Variants in PLA2G7 observed in about 807,000 individuals in gnomAD.
The protein encoded by PLA2G7 is phospholipase A2 group VII, also known as platelet-activating factor acetylhydrolase.
A neutral mutation model predicts 49.6 loss-of-function variants in PLA2G7; 63 were observed. The ratio of observed to expected loss-of-function variants is 1.27; its 90% CI spans 1.04 to 1.57. PLA2G7 has a LOEUF of 1.57. Ranked by LOEUF, PLA2G7 falls within the 40% of genes most tolerant of loss-of-function variation. The pLI, the probability that PLA2G7 is intolerant of heterozygous loss-of-function variation, is 0.00. For synonymous variants in PLA2G7, 193 were observed against 169.9 expected, an observed-to-expected ratio of 1.14 and a Z score of -1.06; for missense variants, 596 against 521.2, an observed-to-expected ratio of 1.14 and a Z score of -1.40.
At chr6:46,714,310 G>A in intron 5 of PLA2G7, 150 bp downstream of exon 5, 2 of 728,370 alleles carry the variant, frequency 2.7e-6, no homozygotes, top group South Asian at 2.9e-5. Flanking sequence ...GTCTAGGACT[G>A]ATCAATAGAC....
chr6:46,704,292 T>A lies in PLA2G7; in HGVS notation c.*268A>T, dbSNP rs1430129983. 2.8e-6 allele frequency: 1 copy of A among 351,394 alleles called. No homozygotes were observed. The highest frequency in any genetic ancestry group is 2.1e-5 in the African/African-American group (1 of 48,152). 21.8% of individuals were successfully genotyped at this position (351,394 alleles called of 1,614,324 possible). A position where few individuals can be genotyped will look rare whatever the true frequency, so the allele number is the denominator to read the frequency against. On this transcript the variant is annotated 3_prime_UTR_variant, in exon 12 of 12. Transcript: ENST00000274793. ...CTTCGACACTGAAAAGGAATCATCT[T>A]TAAAATTAAAATTTAGGCTGATATG...
intron 1 of PLA2G7, among the ~76,000 whole-genome samples, chr6:46,727,583 T>A (rs1445690621): frequency 1.3e-5 from 2 of 152,220 alleles, no homozygotes; most frequent in Admixed American, 6.5e-5. Context: ...ATATGTAATG[T>A]TCCATGGCAA....
chr6:46,716,001 T>C (rs1396979133), intron 4 of PLA2G7, among the ~76,000 whole-genome samples: 1 of 152,222 alleles, frequency 6.6e-6, no homozygotes, highest in East Asian at 1.9e-4. Flanking sequence ...TCTGGAGAGT[T>C]TGATGGCTTC....
chr6:46,705,332 A>G (rs1554182247), intron 10 of PLA2G7, 31 bp from the exon 11 acceptor site: 1 of 1,583,852 alleles, frequency 6.3e-7, no homozygotes, highest in East Asian at 2.2e-5. Flanking sequence ...TAAAAGTCAC[A>G]TTGTTTGATA....
chr6:46,705,912 CT>C (rs904455310), intron 10 of PLA2G7, among the ~76,000 whole-genome samples: 2 of 152,262 alleles, frequency 1.3e-5, no homozygotes, highest in East Asian at 1.9e-4. Context: ...CCTTCTTGCA[CT>C]TTTTTTCTTT....
At chr6:46,714,241 C>T (rs1765122953) in intron 5 of PLA2G7, among the ~76,000 whole-genome samples, 3 of 152,138 alleles carry the variant, frequency 2.0e-5, no homozygotes, top group Admixed American at 2.0e-4. Context: ...CCTTTCTTCT[C>T]TGCTGTGAGG....
At chr6:46,714,435 A>C (rs201056530) in intron 5 of PLA2G7, 25 bp downstream of exon 5, 1 of 1,454,694 alleles carries the variant, frequency 6.9e-7, no homozygotes, top group Non-Finnish European at 9.7e-7. Flanking sequence ...TGGAAGCCAA[A>C]ATTGTTCAAC....
At chr6:46,723,652 G>A (rs941780607) in intron 1 of PLA2G7, among the ~76,000 whole-genome samples, 5 of 152,036 alleles carry the variant, frequency 3.3e-5, no homozygotes, top group African/African-American at 1.2e-4. Context: ...CTAAAATTTG[G>A]CCCTTCAACT....
At chr6:46,731,670 T>A (rs1045313738) in intron 1 of PLA2G7, among the ~76,000 whole-genome samples, 1 of 152,206 alleles carries the variant, frequency 6.6e-6, no homozygotes, top group African/African-American at 2.4e-5. Flanking sequence ...AGACATCAAA[T>A]TTATTAAAAT....
chr6:46,723,812 A>C (rs559995609), intron 1 of PLA2G7, among the ~76,000 whole-genome samples: 13 of 151,768 alleles, frequency 8.6e-5, no homozygotes, highest in African/African-American at 3.1e-4. Flanking sequence ...TCTGCACAAA[A>C]CCCCCAAATG....
intron 1 of PLA2G7, among the ~76,000 whole-genome samples, chr6:46,730,777 G>GA (rs1765713125): frequency 1.3e-5 from 2 of 152,138 alleles, no homozygotes; most frequent in South Asian, 4.1e-4. Context: ...GAAACAAATA[G>GA]ATTTCTGGCT....
At position 46,716,520 on chromosome 6, in the gene PLA2G7, G is replaced by A; in HGVS notation, c.240C>T (p.Phe80=). 6.2e-7 allele frequency: 1 copy of A among 1,613,738 alleles called. No homozygotes were observed. Among genetic ancestry groups the A allele is most frequent in the South Asian group, 1.1e-5 (1 of 91,050 alleles). ...LMFDHTNKGT[F]LRLYYPSQDN... is the part of the protein sequence containing the mutation. ...CTTGGGATGGATAATATAAACGCAA[G>A]AAGGTGCCCTGTTAAGAAAGAAATT... Residue 80 remains phenylalanine, a synonymous_variant, in exon 4 of 12, where the codon TTC becomes TTT. Coordinates refer to ENST00000274793, the MANE Select transcript of PLA2G7 (RefSeq NM_005084.4).
intron 2 of PLA2G7, among the ~76,000 whole-genome samples, chr6:46,720,569 C>G (rs565611888): frequency 6.6e-6 from 1 of 152,246 alleles, no homozygotes; most frequent in East Asian, 1.9e-4. Context: ...ACAGCTGACC[C>G]GGTTATGGGC....
intron 1 of PLA2G7, among the ~76,000 whole-genome samples, chr6:46,731,229 A>G: frequency 6.6e-6 from 1 of 152,274 alleles, no homozygotes; most frequent in East Asian, 1.9e-4. Context: ...ACTTCCTGAC[A>G]CTCTAAAACT....
In PLA2G7 at chr6:46,735,323, G is replaced by T. The variant is rs188166981; in HGVS notation, c.-178C>A. On this transcript the variant is annotated 5_prime_UTR_variant, in exon 1 of 12. Transcript: ENST00000274793. ...CCGACCAGCCGCTGTCCCCCTGGCT[G>T]CGGGCCGAGCAGCTCTGGCAGGCGG... is the stretch of plus-strand genomic sequence containing the variant. The T allele has an allele frequency of 1.2e-3, 189 of 152,606 alleles. 2 individuals carry two copies. In the East Asian group the frequency reaches 0.026, roughly 21 times the overall value. The allele number at this position is 152,606 out of a possible 1,614,324, so 9.5% of individuals were successfully genotyped here. A position where few individuals can be genotyped will look rare whatever the true frequency, so the allele number is the denominator to read the frequency against.
intron 4 of PLA2G7, 24 bp downstream of exon 4, chr6:46,716,360 A>G (rs777206289): frequency 6.2e-7 from 1 of 1,613,414 alleles, no homozygotes; most frequent in East Asian, 2.2e-5. Context: ...AGAGCCTACA[A>G]AGAAGGATCA....
In PLA2G7 at chr6:46,704,654, CCTTCA is replaced by C; in HGVS notation, c.1227_1231del (p.Ile409MetfsTer3). ...CCCTGGAATAAGATTCTCATCATCT[CCTTCA>C]ATCAAGCAGTCCCACTGATCAAAAT... On this transcript the variant is annotated frameshift_variant, in exon 12 of 12. Coordinates refer to ENST00000274793, the MANE Select transcript of PLA2G7 (RefSeq NM_005084.4). LOFTEE classifies it low-confidence loss of function (END_TRUNC). 6.3e-7 allele frequency: 1 copy of C among 1,577,964 alleles called. No individual in the cohort carries two copies. The highest frequency in any genetic ancestry group is 8.7e-7 in the Non-Finnish European group (1 of 1,146,946).
rs368946627 is a variant in PLA2G7, at chr6:46,704,441, TTCTCTC to T, written c.*113_*118del. 214 of 552,666 alleles carry T rather than the reference TTCTCTC, an allele frequency of 3.9e-4. 1 individual carries two copies. The highest frequency in any genetic ancestry group is 2.1e-3 in the African/African-American group (108 of 51,044). The allele number at this position is 552,666 out of a possible 1,614,324, so 34.2% of individuals were successfully genotyped here. On this transcript the variant is annotated 3_prime_UTR_variant, in exon 12 of 12. Coordinates refer to ENST00000274793, the MANE Select transcript of PLA2G7 (RefSeq NM_005084.4). ...AGTCCTTTGGGAAAATACATTAAAA[TTCTCTC>T]TCTCTCTCTCTCTCTCTCTCTCTCT...
Position 46,716,395 on chromosome 6 carries a change from C to A in PLA2G7, c.365G>T (p.Arg122Met), listed in dbSNP as rs374356451. The A allele has an allele frequency of 9.9e-6, 16 of 1,613,960 alleles. No homozygotes were observed. In the African/African-American group the frequency reaches 2.0e-4, roughly 20 times the overall value. Residue 122 changes from arginine to methionine, a missense_variant, in exon 4 of 12, where the codon AGG becomes ATG. Coordinates refer to ENST00000274793, the MANE Select transcript of PLA2G7 (RefSeq NM_005084.4). ...GTHWLMGNIL[R>M]LLFGSMTTPA... ...AACAGAAATCTTACCAAAGAGTAAC[C>A]TCAAAATGTTGCCCATAAGCCAGTG...
Sources: gnomAD v4.1 joint callset for allele counts (sites outside exome capture counted in the v4.1 genomes callset) on GRCh38, gnomAD v4.1.1 for gene constraint, MANE v1.5 for transcripts, NCBI Gene and HGNC (gene_info 2026-07-23, HGNC 2026-07-21) for gene names.